Variants in ENTREP2 observed in about 807,000 individuals in gnomAD.
The protein encoded by ENTREP2 is endosomal transmembrane epsin interactor 2.
At chr15:29,330,294 A>G in the ENTREP2 span, among the ~76,000 whole-genome samples, 1 of 151,910 alleles carries the variant, frequency 6.6e-6, no homozygotes, top group Non-Finnish European at 1.5e-5. Flanking sequence ...AAAAAAAAAA[A>G]AAAATTCAGC....
At chr15:29,611,846 G>A in the ENTREP2 span, among the ~76,000 whole-genome samples, 9 of 152,176 alleles carry the variant, frequency 5.9e-5, no homozygotes, top group African/African-American at 2.2e-4. Flanking sequence ...GCAACTAACA[G>A]GCATTTTCTT....
the ENTREP2 span, among the ~76,000 whole-genome samples, chr15:29,661,464 G>C: frequency 6.6e-6 from 1 of 152,142 alleles, no homozygotes; most frequent in African/African-American, 2.4e-5. Flanking sequence ...CTCCCAAAGT[G>C]CTGGCATTAC....
At chr15:29,627,855 T>A in the ENTREP2 span, among the ~76,000 whole-genome samples, 1 of 152,228 alleles carries the variant, frequency 6.6e-6, no homozygotes, top group East Asian at 1.9e-4. Context: ...ATTCAGTTCA[T>A]CGTATGTATG....
At chr15:29,439,284 T>TACAAACACACAC in the ENTREP2 span, among the ~76,000 whole-genome samples, 486 of 97,106 alleles carry the variant, frequency 5.0e-3, 7 homozygotes, top group African/African-American at 0.023. Context: ...AAATTGGAAT[T>TACAAACACACAC]ACACACACAC....
At chr15:29,176,418 C>T in the ENTREP2 span, among the ~76,000 whole-genome samples, 1 of 152,074 alleles carries the variant, frequency 6.6e-6, no homozygotes, top group Admixed American at 6.5e-5. Context: ...GGGGCAGGCT[C>T]TCCTGGATGG....
chr15:29,215,077 TTTCTTTG>T, the ENTREP2 span, among the ~76,000 whole-genome samples: 2 of 152,204 alleles, frequency 1.3e-5, no homozygotes, highest in African/African-American at 4.8e-5. Context: ...GTCTATCTCA[TTTCTTTG>T]GTCTGTTAGT....
chr15:29,620,910 G>A, the ENTREP2 span, among the ~76,000 whole-genome samples: 2 of 152,074 alleles, frequency 1.3e-5, no homozygotes, highest in Non-Finnish European at 2.9e-5. Flanking sequence ...GTTAGAAGCT[G>A]AGAATAAAGA....
At chr15:29,378,534 G>A in the ENTREP2 span, among the ~76,000 whole-genome samples, 1 of 152,158 alleles carries the variant, frequency 6.6e-6, no homozygotes. Flanking sequence ...AATGTAGTGG[G>A]CTGCAACCAG....
the ENTREP2 span, chr15:29,376,804 T>G: frequency 6.6e-6 from 1 of 152,238 alleles, no homozygotes; most frequent in African/African-American, 2.4e-5. Context: ...CGGATGGCCT[T>G]GTGCTTGGGA....
At chr15:29,356,610 T>A in the ENTREP2 span, among the ~76,000 whole-genome samples, 1 of 151,972 alleles carries the variant, frequency 6.6e-6, no homozygotes, top group East Asian at 1.9e-4. Context: ...TGGCCTGAAA[T>A]GTATTTTTTA....
chr15:29,670,210 G>C, the ENTREP2 span, among the ~76,000 whole-genome samples: 1 of 152,182 alleles, frequency 6.6e-6, no homozygotes, highest in African/African-American at 2.4e-5. Context: ...GAAGGGAGGT[G>C]ACAGCAGTGC....
chr15:29,388,057 C>T, the ENTREP2 span, among the ~76,000 whole-genome samples: 80 of 152,146 alleles, frequency 5.3e-4, no homozygotes, highest in African/African-American at 1.7e-3. Context: ...ACATAGGCAT[C>T]GGCAAGGACT....
At chr15:29,120,089 G>A in the ENTREP2 span, among the ~76,000 whole-genome samples, 3 of 152,194 alleles carry the variant, frequency 2.0e-5, no homozygotes, top group Non-Finnish European at 4.4e-5. Context: ...CTGCCCCGGA[G>A]TTGACCCTCT....
At chr15:29,157,390 A>G in the ENTREP2 span, among the ~76,000 whole-genome samples, 4 of 152,218 alleles carry the variant, frequency 2.6e-5, no homozygotes, top group Non-Finnish European at 5.9e-5. Context: ...TCCCTACAGA[A>G]GAGGGCATTT....
the ENTREP2 span, among the ~76,000 whole-genome samples, chr15:29,347,648 C>T: frequency 6.6e-6 from 1 of 151,896 alleles, no homozygotes; most frequent in East Asian, 1.9e-4. Context: ...CCTTAAAAAC[C>T]ATGGAGAAAG....
At chr15:29,415,450 C>CT in the ENTREP2 span, among the ~76,000 whole-genome samples, 65 of 152,180 alleles carry the variant, frequency 4.3e-4, 1 homozygote, top group African/African-American at 1.5e-3. Context: ...AATTCAACAA[C>CT]CCTTCATGCT....
At chr15:29,641,601 G>A in the ENTREP2 span, among the ~76,000 whole-genome samples, 1 of 151,476 alleles carries the variant, frequency 6.6e-6, no homozygotes, top group African/African-American at 2.4e-5. Flanking sequence ...CAAGGCTAAG[G>A]TGGGCAGATC....
the ENTREP2 span, among the ~76,000 whole-genome samples, chr15:29,389,544 T>A: frequency 6.6e-6 from 1 of 152,170 alleles, no homozygotes; most frequent in Non-Finnish European, 1.5e-5. Context: ...TTGGAAAACT[T>A]TTCCCTAGAA....
the ENTREP2 span, among the ~76,000 whole-genome samples, chr15:29,371,349 AAC>A: frequency 0.029 from 3,832 of 133,518 alleles, 128 homozygotes; most frequent in African/African-American, 0.081. Context: ...CACCCCCGCA[AAC>A]ACACACACAC....
Sources: allele counts gnomAD v4.1 joint callset (sites outside exome capture counted in the v4.1 genomes callset), GRCh38; gene constraint gnomAD v4.1.1; transcripts MANE v1.5; gene names NCBI Gene and HGNC (gene_info 2026-07-23, HGNC 2026-07-21).